The following POU2F2 variants were observed in gnomAD, a reference collection of about 807,000 sequenced individuals.
POU2F2 encodes the protein POU domain, class 2, transcription factor 2.
POU2F2 carries 14 observed loss-of-function variants against 63.5 expected under a neutral mutation model. That is an observed-to-expected ratio of 0.22 (90% confidence interval 0.15 to 0.34). The LOEUF (loss-of-function observed/expected upper bound fraction) is 0.34, where lower values mean the gene tolerates loss of function less well. Ranked by LOEUF, POU2F2 falls within the 10% of genes least tolerant of loss-of-function variation. The pLI, the probability that POU2F2 is intolerant of heterozygous loss-of-function variation, is 1.00. For synonymous variants in POU2F2, 306 were observed against 348.6 expected, an observed-to-expected ratio of 0.88 and a Z score of 1.36; for missense variants, 607 against 815.2, an observed-to-expected ratio of 0.74 and a Z score of 3.11.
At chr19:42,160,356 A>G (rs1473337244) in exon 2 of POU2F2, 1 of 152,236 alleles carries the variant, frequency 6.6e-6, no homozygotes, top group Non-Finnish European at 1.5e-5. Flanking sequence ...CAGCGAAGCT[A>G]ATACATTCAG....
chr19:42,130,057 C>G (rs2033566536), intron 1 of POU2F2, among the ~76,000 whole-genome samples: 1 of 152,180 alleles, frequency 6.6e-6, no homozygotes, highest in African/African-American at 2.4e-5. Flanking sequence ...CGTGCGTACA[C>G]ACATGCACTC....
intron 2 of POU2F2, among the ~76,000 whole-genome samples, chr19:42,141,678 C>T (rs1007628893): frequency 6.6e-6 from 1 of 151,940 alleles, no homozygotes; most frequent in African/African-American, 2.4e-5. Flanking sequence ...CGGGGTTTCT[C>T]CATGTTGGTC....
At chr19:42,189,836 C>A (rs1390969417) in intron 1 of POU2F2, among the ~76,000 whole-genome samples, 2 of 152,138 alleles carry the variant, frequency 1.3e-5, no homozygotes, top group Non-Finnish European at 2.9e-5. Context: ...AATCCTCCTC[C>A]CTCAGCCCCC....
At chr19:42,197,882 A>T (rs1183011216), upstream of POU2F2, among the ~76,000 whole-genome samples, 2 of 152,076 alleles carry the variant, frequency 1.3e-5, no homozygotes, top group African/African-American at 4.8e-5. Context: ...ACAAATTAAA[A>T]ATCCTGGGAG....
chr19:42,140,807 T>C (rs2034112370), intron 2 of POU2F2, among the ~76,000 whole-genome samples: 1 of 152,226 alleles, frequency 6.6e-6, no homozygotes, highest in Admixed American at 6.5e-5. Flanking sequence ...ATATAGTTGA[T>C]GCTTGAACCT....
chr19:42,179,847 C>T (rs2034940972), upstream of POU2F2, among the ~76,000 whole-genome samples: 1 of 152,124 alleles, frequency 6.6e-6, no homozygotes. Context: ...CCTACTACTC[C>T]CTGTACGGAG....
chr19:42,167,016 C>G (rs1303608018), intron 1 of POU2F2, among the ~76,000 whole-genome samples: 2 of 152,168 alleles, frequency 1.3e-5, no homozygotes, highest in African/African-American at 2.4e-5. Context: ...GGGCACTGTG[C>G]TACACACTAG....
At chr19:42,161,126 G>A (rs182436414) in intron 1 of POU2F2, among the ~76,000 whole-genome samples, 8 of 152,198 alleles carry the variant, frequency 5.3e-5, no homozygotes, top group East Asian at 1.9e-4. Context: ...AGGGTGCTGC[G>A]GGCATCCTGG....
chr19:42,126,606 G>A (rs1001463410), intron 1 of POU2F2, among the ~76,000 whole-genome samples: 2 of 152,096 alleles, frequency 1.3e-5, no homozygotes, highest in Non-Finnish European at 2.9e-5. Flanking sequence ...TACAGCCTCC[G>A]TAATTGTGAA....
intron 1 of POU2F2, among the ~76,000 whole-genome samples, chr19:42,191,356 C>A (rs971964414): frequency 6.6e-6 from 1 of 152,174 alleles, no homozygotes; most frequent in Non-Finnish European, 1.5e-5. Flanking sequence ...TGTGCCCCTC[C>A]ACAACTCCAG....
At chr19:42,190,245 T>A (rs1191896315) in intron 1 of POU2F2, among the ~76,000 whole-genome samples, 1 of 151,976 alleles carries the variant, frequency 6.6e-6, no homozygotes, top group Non-Finnish European at 1.5e-5. Context: ...TGTGGCTACA[T>A]GAAGGGTTGT....
Position 42,155,381 on chromosome 19 carries a change from C to G in POU2F2, c.-9+4951G>C, listed in dbSNP as rs1253740599. Among the ~76,000 whole-genome samples the G allele has an allele frequency of 2.0e-5, 3 of 152,158 alleles. No individual in the cohort carries two copies. The highest frequency in any genetic ancestry group is 2.1e-4 in the South Asian group (1 of 4,822). ...CTGTGTTTCTGTCATGAGGTGCATG[C>G]TCCCTGGGTCTCCCTCTCCCTCCAC... On this transcript the variant is annotated intron_variant, in intron 2 of 6. Transcript: ENST00000524801. This position sits in a 1 kb window ranked among gnomAD's most constrained non-coding sequence, Gnocchi z 4.2.
intron 1 of POU2F2, among the ~76,000 whole-genome samples, chr19:42,124,516 G>C (rs2033007720): frequency 6.6e-6 from 1 of 152,084 alleles, no homozygotes; most frequent in Non-Finnish European, 1.5e-5. Context: ...GCACCACTCA[G>C]AAAAGCTGAA....
intron 2 of POU2F2, among the ~76,000 whole-genome samples, chr19:42,149,508 G>A (rs1050224740): frequency 1.3e-5 from 2 of 152,134 alleles, no homozygotes; most frequent in Non-Finnish European, 1.5e-5. Flanking sequence ...GAAAAGAGGG[G>A]TGTAAGGAAA....
upstream of POU2F2, among the ~76,000 whole-genome samples, chr19:42,179,402 T>C (rs2034934691): frequency 1.3e-5 from 2 of 151,410 alleles, no homozygotes; most frequent in Non-Finnish European, 2.9e-5. Context: ...GGGCACAGGG[T>C]CTTGGGAGGG....
chr19:42,132,097 G>C (rs894300195), intron 1 of POU2F2, among the ~76,000 whole-genome samples: 1 of 152,162 alleles, frequency 6.6e-6, no homozygotes, highest in Non-Finnish European at 1.5e-5. Context: ...CTCCACATGA[G>C]GGCCCGCTAC....
chr19:42,196,933 G>A (rs2035156104), upstream of POU2F2, among the ~76,000 whole-genome samples: 2 of 152,246 alleles, frequency 1.3e-5, no homozygotes, highest in African/African-American at 4.8e-5. Flanking sequence ...CCAGAGAATG[G>A]GGTGGGGCCA....
rs1344572900 is a variant in POU2F2 at position 42,152,317 on chromosome 19, G to A, written c.-9+8015C>T. 6.6e-6 allele frequency among the ~76,000 whole-genome samples: 1 copy of A among 152,160 alleles called. No homozygotes were observed. The highest frequency in any genetic ancestry group is 1.5e-5 in the Non-Finnish European group (1 of 68,010). ...AGAAGAAGAGGGGGAGAATAAGGCG[G>A]GCCTCTTTTGGAGGGGGTGGGATGG... On this transcript the variant is annotated intron_variant, in intron 2 of 6. Transcript: ENST00000524801. The surrounding 1 kb of genome is among the most constrained non-coding windows in gnomAD (Gnocchi z 4.1).
At chr19:42,154,814 GGGAT>G (rs1224293161) in intron 2 of POU2F2, among the ~76,000 whole-genome samples, 3 of 152,132 alleles carry the variant, frequency 2.0e-5, no homozygotes, top group African/African-American at 7.2e-5. Context: ...CCAGAAGTCA[GGGAT>G]GCTCAAGCCT....
Sources: allele counts gnomAD v4.1 joint callset (sites outside exome capture counted in the v4.1 genomes callset), GRCh38; gene constraint gnomAD v4.1.1; non-coding constraint Gnocchi (gnomAD v3.1); transcripts MANE v1.5; gene names NCBI Gene and HGNC (gene_info 2026-07-23, HGNC 2026-07-21).